Variants in ERN1 observed in about 807,000 individuals in gnomAD.
ERN1 encodes the protein serine/threonine-protein kinase/endoribonuclease IRE1.
Under a neutral mutation model 113.1 loss-of-function variants are expected in ERN1, and 39 were observed. That is an observed-to-expected ratio of 0.34 (90% CI 0.27 to 0.45). ERN1 has a LOEUF of 0.45. Among genes scored for constraint, ERN1 ranks in the 20% least tolerant of loss-of-function variants. The pLI is 1.00. For missense variants in ERN1, 976 were observed against 1,274.8 expected, an observed-to-expected ratio of 0.77 and a Z score of 3.57; for synonymous variants, 507 against 515.9, an observed-to-expected ratio of 0.98 and a Z score of 0.23.
rs550268705 is a variant in ERN1 at position 64,093,859 on chromosome 17, C to T, written c.175+4262G>A. Among the ~76,000 whole-genome samples, 5 of 152,364 alleles carry T rather than the reference C, an allele frequency of 3.3e-5. No homozygotes were observed. The East Asian group carries it at 9.6e-4, about 29-fold the overall frequency. On this transcript the variant is annotated intron_variant, in intron 2 of 21. Transcript: ENST00000433197. ...GAAAAGCCAATGTCCTCACACCAGC[C>T]ACTAGGCCCTACACCAGTGGTATCC...
At chr17:64,073,619 G>A (rs1421129678) in intron 5 of ERN1, among the ~76,000 whole-genome samples, 3 of 152,144 alleles carry the variant, frequency 2.0e-5, no homozygotes, top group African/African-American at 7.2e-5. Context: ...AGCCTCCTGA[G>A]TAGCTGGGAC....
intron 17 of ERN1, among the ~76,000 whole-genome samples, chr17:64,052,032 C>A (rs2143330744): frequency 6.6e-6 from 1 of 152,234 alleles, no homozygotes; most frequent in African/African-American, 2.4e-5. Flanking sequence ...AAAGTATTAA[C>A]AAATGTTGAA....
At chr17:64,068,401 A>G in intron 6 of ERN1, 110 bp from the exon 7 acceptor site, 2 of 751,670 alleles carry the variant, frequency 2.7e-6, no homozygotes, top group South Asian at 1.6e-5. Flanking sequence ...CTGTAGGCCA[A>G]AAAGTCCAGA....
At chr17:64,101,397 G>A (rs150617909) in intron 1 of ERN1, among the ~76,000 whole-genome samples, 294 of 152,064 alleles carry the variant, frequency 1.9e-3, no homozygotes, top group East Asian at 0.011. Context: ...GGGATAGAGC[G>A]AGGCTCTGTC....
At chr17:64,079,552 G>A in intron 4 of ERN1, 110 bp downstream of exon 4, 1 of 782,142 alleles carries the variant, frequency 1.3e-6, no homozygotes, top group Admixed American at 2.4e-5. Flanking sequence ...ATCCCCAGGG[G>A]TTGTTTTTAA....
At chr17:64,116,616 GA>G (rs562135528) in intron 1 of ERN1, among the ~76,000 whole-genome samples, 10 of 149,928 alleles carry the variant, frequency 6.7e-5, no homozygotes, top group South Asian at 2.1e-4. Context: ...TCCTACAATG[GA>G]AAAAAAATGT....
At chr17:64,087,465 C>A (rs1371612470) in intron 2 of ERN1, among the ~76,000 whole-genome samples, 5 of 152,224 alleles carry the variant, frequency 3.3e-5, no homozygotes, top group African/African-American at 9.7e-5. Context: ...GTGGGTCCCA[C>A]TTCCACCCAG....
chr17:64,079,698 C>T lies in ERN1; in HGVS notation c.246G>A (p.Leu82=). The part of the protein sequence containing the change: ...AFLPDPNDGS[L]YTLGSKNNEG... Reference sequence around the variant, plus strand: ...CATTATTCTTGCTTCCAAGCGTATACAGGCTGCCATCATTAGGATCTGGGA... The same window carrying T: ...CATTATTCTTGCTTCCAAGCGTATATAGGCTGCCATCATTAGGATCTGGGA... Residue 82 remains leucine (L), a synonymous_variant, in exon 4 of 22, where the codon CTG becomes CTA. Coordinates refer to ENST00000433197, the MANE Select transcript of ERN1 (RefSeq NM_001433.5). 3 of 1,613,908 alleles carry T rather than the reference C, an allele frequency of 1.9e-6. No individual in the cohort carries two copies. Among genetic ancestry groups the T allele is most frequent in the East Asian group, 2.2e-5 (1 of 44,884 alleles).
chr17:64,089,445 ATGCTCACTGGAACATTT>A (rs1381965702), intron 2 of ERN1, among the ~76,000 whole-genome samples: 3 of 152,256 alleles, frequency 2.0e-5, no homozygotes, highest in East Asian at 3.9e-4. Flanking sequence ...TGCAAAGGAA[ATGCTCACTGGAACATTT>A]TGGGTTTCAG....
At position 64,053,257 on chromosome 17, in the gene ERN1, A is replaced by T. The variant is rs1349263203; in HGVS notation, c.2053+15T>A. ...CCCACCCGGGCCGCTGGCCTGGTAA[A>T]GTGCAGCCTCTCACCGATGTTGAGG... On this transcript the variant is annotated intron_variant, in intron 16 of 21. Coordinates refer to ENST00000433197, the MANE Select transcript of ERN1 (RefSeq NM_001433.5). 2.5e-6 allele frequency: 4 copies of T among 1,581,880 alleles called. No homozygotes were observed. The highest frequency in any genetic ancestry group is 2.6e-6 in the Non-Finnish European group (3 of 1,165,026).
chr17:64,058,114 TTGTTTTAAGCTC>T, intron 11 of ERN1, 121 bp from the exon 12 acceptor site: 1 of 793,466 alleles, frequency 1.3e-6, no homozygotes, highest in African/African-American at 1.8e-5. Context: ...GGGGTTTTAT[TTGTTTTAAGCTC>T]ACCAAAGATC....
Position 64,128,144 on chromosome 17 carries a change from G to A in ERN1, c.54+1832C>T, listed in dbSNP as rs1013972243. Among the ~76,000 whole-genome samples the A allele has an allele frequency of 2.7e-5, 4 of 149,858 alleles. No homozygotes were observed. In the East Asian group the frequency reaches 7.8e-4, roughly 29 times the overall value. ...CCAGTAGCTGGGATTACAGGCCTGCGCTACCACGCCCGGCTAATTTTTTTT... is the reference window on the plus strand; with the variant it reads ...CCAGTAGCTGGGATTACAGGCCTGCACTACCACGCCCGGCTAATTTTTTTT... On this transcript the variant is annotated intron_variant, in intron 1 of 21. Transcript: ENST00000433197.
chr17:64,099,435 A>AG (rs1232073688), intron 1 of ERN1, among the ~76,000 whole-genome samples: 1 of 152,068 alleles, frequency 6.6e-6, no homozygotes, highest in Non-Finnish European at 1.5e-5. Flanking sequence ...CTTTTGAGGT[A>AG]GGGGTCCCTT....
At chr17:64,127,611 G>T (rs535523097) in intron 1 of ERN1, among the ~76,000 whole-genome samples, 1 of 152,030 alleles carries the variant, frequency 6.6e-6, no homozygotes, top group African/African-American at 2.4e-5. Flanking sequence ...AAAATTAGCC[G>T]GGTGTAGTGG....
intron 4 of ERN1, among the ~76,000 whole-genome samples, chr17:64,077,485 CTCGTTTTTCCTGTTTTTGGCTTT>C (rs1913628567): frequency 1.3e-5 from 2 of 151,604 alleles, no homozygotes; most frequent in Non-Finnish European, 2.9e-5. Flanking sequence ...ACAGCAGAGA[CTCGTTTTTCCTGTTTTTGGCTTT>C]ACATAAGTGA....
In ERN1 at chr17:64,102,841, G is replaced by C. The variant is rs1914423893; in HGVS notation, c.55-4600C>G. The C allele has an allele frequency of 2.0e-6, 2 of 985,018 alleles. 1 individual carries two copies. The highest frequency in any genetic ancestry group is 3.5e-5 in the African/African-American group (2 of 57,130). 61.0% of individuals were successfully genotyped at this position (985,018 alleles called of 1,614,324 possible). A position where few individuals can be genotyped will look rare whatever the true frequency, so the allele number is the denominator to read the frequency against. ...AAGAAAATGTCGAGTCTGCAGATCT[G>C]TTTCAAGTTAACAACCATTTGAAAT... On this transcript the variant is annotated intron_variant, in intron 1 of 21. Transcript: ENST00000433197.
At chr17:64,046,330 A>T (rs192040731) in intron 19 of ERN1, among the ~76,000 whole-genome samples, 9 of 152,358 alleles carry the variant, frequency 5.9e-5, no homozygotes, top group Non-Finnish European at 1.3e-4. Flanking sequence ...TGTTACGGCT[A>T]AATGACCTGA....
chr17:64,075,082 C>T (rs959563015), intron 5 of ERN1, 93 bp downstream of exon 5: 35 of 1,027,542 alleles, frequency 3.4e-5, no homozygotes, highest in Non-Finnish European at 5.0e-5. Flanking sequence ...GTTGGCAAGG[C>T]GGTGACTGCG....
At chr17:64,079,782 T>C (rs75923435) in intron 3 of ERN1, 48 bp from the exon 4 acceptor site, 117,643 of 1,490,522 alleles carry the variant, frequency 0.079, 5,159 homozygotes, top group Middle Eastern at 0.13. Context: ...GCCCAGGGCA[T>C]GGAACAACAT....
Sources: gnomAD v4.1 joint callset for allele counts (sites outside exome capture counted in the v4.1 genomes callset) on GRCh38, gnomAD v4.1.1 for gene constraint, MANE v1.5 for transcripts, NCBI Gene and HGNC (gene_info 2026-07-23, HGNC 2026-07-21) for gene names.